The following KCNMB2 variants were observed in gnomAD, a reference collection of about 807,000 sequenced individuals.
KCNMB2 encodes the protein calcium-activated potassium channel subunit beta-2.
Under a neutral mutation model 24.5 loss-of-function variants are expected in KCNMB2, and 9 were observed. The ratio of observed to expected loss-of-function variants is 0.37; its 90% CI spans 0.22 to 0.64. KCNMB2 has a LOEUF of 0.64. Ranked by LOEUF, KCNMB2 falls within the 30% of genes least tolerant of loss-of-function variation. KCNMB2 has a pLI of 0.63. For synonymous variants in KCNMB2, 109 were observed against 104.4 expected (o/e 1.04, Z -0.27); for missense variants, 226 against 284.3 (o/e 0.79, Z 1.47).
chr3:178,647,460 AGAGT>A (rs1031978327), intron 1 of KCNMB2, among the ~76,000 whole-genome samples: 22 of 152,226 alleles, frequency 1.4e-4, no homozygotes, highest in African/African-American at 4.6e-4. Flanking sequence ...GAGCCTTAAC[AGAGT>A]GCACTAGAAT....
chr3:178,809,007 T>G (rs1714085345), intron 2 of KCNMB2, among the ~76,000 whole-genome samples: 1 of 152,244 alleles, frequency 6.6e-6, no homozygotes, highest in Non-Finnish European at 1.5e-5. Flanking sequence ...AAATTTACTT[T>G]ACTTGATCAT....
intron 1 of KCNMB2, among the ~76,000 whole-genome samples, chr3:178,701,732 C>A (rs1382254732): frequency 6.6e-6 from 1 of 152,144 alleles, no homozygotes; most frequent in Non-Finnish European, 1.5e-5. Flanking sequence ...CATCTCACAC[C>A]AGTTAGAATG....
chr3:178,729,836 A>G (rs1290019089), intron 1 of KCNMB2, among the ~76,000 whole-genome samples: 2 of 152,190 alleles, frequency 1.3e-5, no homozygotes, highest in Non-Finnish European at 2.9e-5. Flanking sequence ...CATACCAATC[A>G]TCATGGGCTA....
chr3:178,798,408 TTTGC>T (rs568227250), intron 1 of KCNMB2, among the ~76,000 whole-genome samples: 180 of 152,106 alleles, frequency 1.2e-3, no homozygotes, highest in Non-Finnish European at 1.6e-3. Context: ...TGTTTGTTTG[TTTGC>T]TTGTTTTGGT....
chr3:178,754,150 G>GTATATATA (rs755809548), intron 1 of KCNMB2, among the ~76,000 whole-genome samples: 1,562 of 106,136 alleles, frequency 0.015, 16 homozygotes, highest in Non-Finnish European at 0.017. Flanking sequence ...ATATTCCATT[G>GTATATATA]TATATATATA....
chr3:178,566,904 T>C (rs1313809040), intron 1 of KCNMB2, among the ~76,000 whole-genome samples: 2 of 152,192 alleles, frequency 1.3e-5, no homozygotes, highest in Admixed American at 6.5e-5. Context: ...GCAAAACACA[T>C]TGATGTTGGC....
At chr3:178,724,771 A>G (rs1722912858) in intron 1 of KCNMB2, among the ~76,000 whole-genome samples, 1 of 151,822 alleles carries the variant, frequency 6.6e-6, no homozygotes, top group Non-Finnish European at 1.5e-5. Flanking sequence ...CCTTTTCCCC[A>G]CTGTTTATTT....
chr3:178,635,017 G>A (rs1560141224), intron 1 of KCNMB2, among the ~76,000 whole-genome samples: 1 of 152,098 alleles, frequency 6.6e-6, no homozygotes, highest in Admixed American at 6.6e-5. Flanking sequence ...CTCCTGGACT[G>A]TGGTGATGGA....
intron 1 of KCNMB2, among the ~76,000 whole-genome samples, chr3:178,718,766 A>G (rs1232273251): frequency 6.6e-6 from 1 of 152,204 alleles, no homozygotes; most frequent in Admixed American, 6.5e-5. Flanking sequence ...GCACTTTAGC[A>G]TACTTTAGTC....
At chr3:178,746,984 T>G (rs1417502950) in intron 1 of KCNMB2, 1 of 152,694 alleles carries the variant, frequency 6.5e-6, no homozygotes, top group Non-Finnish European at 1.5e-5. Flanking sequence ...TGTTCCAACC[T>G]CTGCCTGTTA....
intron 1 of KCNMB2, among the ~76,000 whole-genome samples, chr3:178,760,940 G>C (rs1266576717): frequency 6.6e-6 from 1 of 152,024 alleles, no homozygotes; most frequent in Non-Finnish European, 1.5e-5. Flanking sequence ...CTAATAACTT[G>C]ATTTACTAAT....
intron 1 of KCNMB2, among the ~76,000 whole-genome samples, chr3:178,556,980 G>T (rs949744267): frequency 1.3e-5 from 2 of 152,188 alleles, no homozygotes; most frequent in African/African-American, 4.8e-5. Context: ...AGGGACAAGG[G>T]AAGGTGTTTT....
intron 1 of KCNMB2, among the ~76,000 whole-genome samples, chr3:178,564,128 A>G (rs2108467849): frequency 6.6e-6 from 1 of 152,168 alleles, no homozygotes; most frequent in East Asian, 1.9e-4. Context: ...AAATAAAAAA[A>G]TTAGCCAGGT....
chr3:178,753,569 C>G (rs1273713317), intron 1 of KCNMB2, among the ~76,000 whole-genome samples: 1 of 151,784 alleles, frequency 6.6e-6, no homozygotes, highest in Admixed American at 6.6e-5. Context: ...TTAAAATGGC[C>G]AAGGGAGTTA....
At chr3:178,639,289 G>A (rs1221653536) in intron 1 of KCNMB2, among the ~76,000 whole-genome samples, 1 of 152,084 alleles carries the variant, frequency 6.6e-6, no homozygotes, top group Non-Finnish European at 1.5e-5. Context: ...GAGCATTGAG[G>A]CACAGATATG....
intron 1 of KCNMB2, among the ~76,000 whole-genome samples, chr3:178,724,505 T>G (rs1722905766): frequency 6.6e-6 from 1 of 152,176 alleles, no homozygotes; most frequent in South Asian, 2.1e-4. Flanking sequence ...CTCTTTAGTT[T>G]AATTAAGTCC....
chr3:178,677,436 C>T (rs1211407612), intron 1 of KCNMB2, among the ~76,000 whole-genome samples: 4 of 152,164 alleles, frequency 2.6e-5, no homozygotes, highest in Non-Finnish European at 4.4e-5. Flanking sequence ...AGCCTGGGCA[C>T]GTGGGAAGTC....
intron 1 of KCNMB2, among the ~76,000 whole-genome samples, chr3:178,606,069 T>G (rs1322263049): frequency 1.3e-5 from 2 of 152,200 alleles, no homozygotes; most frequent in African/African-American, 4.8e-5. Context: ...ACCACCAGTT[T>G]GAACTGAAGG....
At chr3:178,769,493 C>T (rs942153031) in intron 1 of KCNMB2, among the ~76,000 whole-genome samples, 7 of 152,056 alleles carry the variant, frequency 4.6e-5, no homozygotes, top group East Asian at 1.9e-4. Flanking sequence ...ATAACAACTA[C>T]GGGAGAGAGG....
Sources: gnomAD v4.1 joint callset for allele counts (sites outside exome capture counted in the v4.1 genomes callset) on GRCh38, gnomAD v4.1.1 for gene constraint, MANE v1.5 for transcripts, NCBI Gene and HGNC (gene_info 2026-07-23, HGNC 2026-07-21) for gene names.